Variants in FLRT3 observed in about 807,000 individuals in gnomAD.
The protein encoded by FLRT3 is fibronectin leucine rich transmembrane protein 3.
In FLRT3, 17 loss-of-function variants were observed where a neutral mutation model predicts 42.6. That is an observed-to-expected ratio of 0.40 (90% CI 0.27 to 0.60). FLRT3 has a LOEUF of 0.60. Ranked by LOEUF, FLRT3 falls within the 20% of genes least tolerant of loss-of-function variation. The pLI, the probability that FLRT3 is intolerant of heterozygous loss-of-function variation, is 0.44. For missense variants in FLRT3, 635 were observed against 789.2 expected, an observed-to-expected ratio of 0.80 and a Z score of 2.34; for synonymous variants, 279 against 286.4, an observed-to-expected ratio of 0.97 and a Z score of 0.26.
chr20:14,329,008 G>A (rs2082786028), intron 2 of FLRT3, 126 bp downstream of exon 2: 1 of 152,008 alleles, frequency 6.6e-6, no homozygotes, highest in African/African-American at 2.4e-5. Context: ...CATGAAGAAA[G>A]TCATTCATGA....
rs2082701685 is a variant in FLRT3 at position 14,324,366 on chromosome 20, TAGAAGGAAATG to T, written c.*1180_*1190del. On this transcript the variant is annotated 3_prime_UTR_variant, in exon 3 of 3. Coordinates refer to ENST00000341420, the MANE Select transcript of FLRT3 (RefSeq NM_198391.3). The stretch of plus-strand genomic sequence containing the variant: ...AACAGCTCACAATTCAGTAGGAAGC[TAGAAGGAAATG>T]TTACATTACGAGTTCATTATATAAT... 1 of 152,536 alleles carries T rather than the reference TAGAAGGAAATG, an allele frequency of 6.6e-6. No individual in the cohort carries two copies. The highest frequency in any genetic ancestry group is 1.5e-5 in the Non-Finnish European group (1 of 68,008). The allele number at this position is 152,536 out of a possible 1,614,324, so 9.4% of individuals were successfully genotyped here. A position where few individuals can be genotyped will look rare whatever the true frequency, so the allele number is the denominator to read the frequency against.
Position 14,326,930 on chromosome 20 carries a change from G to T in FLRT3, c.577C>A (p.Pro193Thr), listed in dbSNP as rs2082745650. The change falls in exon 3 of 3, where the codon CCA (proline) becomes ACA (threonine). Residue 193 changes from proline (P) to threonine (T), a missense_variant. Pro to Thr is a conservative substitution (Grantham distance 38, BLOSUM62 -1). Transcript: ENST00000341420. This position sits in a 1 kb window ranked among gnomAD's most constrained non-coding sequence, Gnocchi z 5.5. ...AGACTAGTGAGACCTTGAAGAGATG[G>T]TGATGAAATAGTGGATATGCGATTA... ...DDNRISTISS[P>T]SLQGLTSLKR... 9 of 1,613,786 alleles carry T rather than the reference G, an allele frequency of 5.6e-6. No individual in the cohort carries two copies. Among genetic ancestry groups the T allele is most frequent in the Non-Finnish European group, 7.6e-6 (9 of 1,179,802 alleles).
intron 1 of FLRT3, among the ~76,000 whole-genome samples, chr20:14,336,324 A>G (rs1361738117): frequency 6.6e-6 from 1 of 152,138 alleles, no homozygotes; most frequent in Non-Finnish European, 1.5e-5. Context: ...AAAAATTGAA[A>G]AAAAAATCAA....
In FLRT3 at chr20:14,325,607, G is replaced by A. The variant is rs371199834; in HGVS notation, c.1900C>T (p.Arg634Ter). The A allele has an allele frequency of 1.2e-6, 2 of 1,613,344 alleles. No individual in the cohort carries two copies. The highest frequency in any genetic ancestry group is 1.7e-6 in the Non-Finnish European group (2 of 1,179,574). ...GGAATACCACTGTCTCTGTAGCTTC[G>A]GTTACTACTGCTTTCACTGTGATTG... is the stretch of plus-strand genomic sequence containing the variant. The part of the protein sequence containing the change: ...KNNHSESSSN[R>*]SYRDSGIPDS... The change falls in exon 3 of 3, where the codon CGA becomes TGA. Residue 634 changes from arginine to a stop codon, truncating the protein, a stop_gained. Coordinates refer to ENST00000341420, the MANE Select transcript of FLRT3 (RefSeq NM_198391.3). LOFTEE classifies it high-confidence loss of function.
At position 14,323,592 on chromosome 20, in the gene FLRT3, C is replaced by A. The variant is rs914912633; in HGVS notation, c.*1965G>T. 3 of 152,170 alleles carry A rather than the reference C, an allele frequency of 2.0e-5. No individual in the cohort carries two copies. The highest frequency in any genetic ancestry group is 4.8e-5 in the African/African-American group (2 of 41,440). 9.4% of individuals were successfully genotyped at this position (152,170 alleles called of 1,614,324 possible). A position where few individuals can be genotyped will look rare whatever the true frequency, so the allele number is the denominator to read the frequency against. On this transcript the variant is annotated 3_prime_UTR_variant, in exon 3 of 3. Coordinates refer to ENST00000341420, the MANE Select transcript of FLRT3 (RefSeq NM_198391.3). ...GGTTAGGGTTTGGGGTTGTAAGTCCCAACCCTATAATCATGTCTTGGTCTT... is the reference window on the plus strand; with the variant it reads ...GGTTAGGGTTTGGGGTTGTAAGTCCAAACCCTATAATCATGTCTTGGTCTT...
intron 1 of FLRT3, among the ~76,000 whole-genome samples, chr20:14,330,659 A>G (rs1018259538): frequency 6.6e-6 from 1 of 152,138 alleles, no homozygotes; most frequent in African/African-American, 2.4e-5. Flanking sequence ...ACTTGAAACA[A>G]AAATAGCAGT....
rs909306453 is a variant in FLRT3, at chr20:14,323,707, T to C, written c.*1850A>G. The C allele has an allele frequency of 1.3e-5, 2 of 152,106 alleles. No individual in the cohort carries two copies. The highest frequency in any genetic ancestry group is 4.8e-5 in the African/African-American group (2 of 41,428). The allele number at this position is 152,106 out of a possible 1,614,324, so 9.4% of individuals were successfully genotyped here. On this transcript the variant is annotated 3_prime_UTR_variant, in exon 3 of 3. Coordinates refer to ENST00000341420, the MANE Select transcript of FLRT3 (RefSeq NM_198391.3). Reference sequence around the variant, plus strand: ...ATATGAAAATATATCACTTTGAAGATTGCAAGGATTTTAGGAGTTGTATGC... The same window carrying C: ...ATATGAAAATATATCACTTTGAAGACTGCAAGGATTTTAGGAGTTGTATGC...
chr20:14,330,042 G>C (rs2082805172), intron 1 of FLRT3, among the ~76,000 whole-genome samples: 1 of 150,408 alleles, frequency 6.6e-6, no homozygotes, highest in Non-Finnish European at 1.5e-5. Flanking sequence ...TACTGAGTTT[G>C]AAAAAAAAAT....
intron 1 of FLRT3, among the ~76,000 whole-genome samples, chr20:14,332,076 A>G (rs1475345010): frequency 6.6e-6 from 1 of 152,202 alleles, no homozygotes; most frequent in Non-Finnish European, 1.5e-5. Flanking sequence ...TGGAATCATT[A>G]TTTAACTATA....
At position 14,325,850 on chromosome 20, in the gene FLRT3, GAAC is replaced by G. The variant is rs549343549; in HGVS notation, c.1654_1656del (p.Val552del). 2 of 1,613,882 alleles carry G rather than the reference GAAC, an allele frequency of 1.2e-6. No individual in the cohort carries two copies. The highest frequency in any genetic ancestry group is 2.2e-5 in the South Asian group (2 of 91,082). On this transcript the variant is annotated inframe_deletion, in exon 3 of 3. Transcript: ENST00000341420. The stretch of plus-strand genomic sequence containing the variant: ...CTTGAGAAGAGCGATCCATTCCTAT[GAAC>G]ATACCAACACACTAAAGCAAGAAGG...
rs1351959755 is a variant in FLRT3 at position 14,323,566 on chromosome 20, AG to A, written c.*1990del. 1 of 152,186 alleles carries A rather than the reference AG, an allele frequency of 6.6e-6. No homozygotes were observed. Among genetic ancestry groups the A allele is most frequent in the African/African-American group, 2.4e-5 (1 of 41,454 alleles). The allele number at this position is 152,186 out of a possible 1,614,324, so 9.4% of individuals were successfully genotyped here. A position where few individuals can be genotyped will look rare whatever the true frequency, so the allele number is the denominator to read the frequency against. ...TCTTCATCCACTTCGCCCTCTCTGG[AG>A]GTTAGGGTTTGGGGTTGTAAGTCCC... On this transcript the variant is annotated 3_prime_UTR_variant, in exon 3 of 3. Coordinates refer to ENST00000341420, the MANE Select transcript of FLRT3 (RefSeq NM_198391.3).
At chr20:14,336,066 A>G (rs1299898389) in intron 1 of FLRT3, among the ~76,000 whole-genome samples, 2 of 152,170 alleles carry the variant, frequency 1.3e-5, no homozygotes, top group East Asian at 1.9e-4. Context: ...TGGGTCAGGT[A>G]TAAGTGATTC....
Position 14,324,696 on chromosome 20 carries a change from C to T in FLRT3, c.*861G>A, listed in dbSNP as rs993442837. On this transcript the variant is annotated 3_prime_UTR_variant, in exon 3 of 3. Coordinates refer to ENST00000341420, the MANE Select transcript of FLRT3 (RefSeq NM_198391.3). ...TGTTTATAATTCACTTTTCAAAAAT[C>T]AGGATGGTATAGGCAAAACCAAAAT... 1 of 152,050 alleles carries T rather than the reference C, an allele frequency of 6.6e-6. No homozygotes were observed. The highest frequency in any genetic ancestry group is 1.9e-4 in the East Asian group (1 of 5,186). 9.4% of individuals were successfully genotyped at this position (152,050 alleles called of 1,614,324 possible).
At chr20:14,336,192 T>A (rs2082933117) in intron 1 of FLRT3, among the ~76,000 whole-genome samples, 1 of 152,146 alleles carries the variant, frequency 6.6e-6, no homozygotes, top group Non-Finnish European at 1.5e-5. Flanking sequence ...GTGGCTTTAT[T>A]TATGTTGTTT....
Position 14,326,678 on chromosome 20 carries a change from C to T in FLRT3, c.829G>A (p.Asp277Asn). The T allele has an allele frequency of 6.2e-7, 1 of 1,613,726 alleles. No homozygotes were observed. Among genetic ancestry groups the T allele is most frequent in the Non-Finnish European group, 8.5e-7 (1 of 1,179,812 alleles). ...TTACTTAGGTTATTATTGGACATATCCAGTCGATAGAGCTGCCTTAGATAA... is the reference window on the plus strand; with the variant it reads ...TTACTTAGGTTATTATTGGACATATTCAGTCGATAGAGCTGCCTTAGATAA... ...FSYLRQLYRL[D>N]MSNNNLSNLP... Residue 277 changes from aspartate to asparagine, a missense_variant, in exon 3 of 3, where the codon GAT becomes AAT. Coordinates refer to ENST00000341420, the MANE Select transcript of FLRT3 (RefSeq NM_198391.3). This position sits in a 1 kb window ranked among gnomAD's most constrained non-coding sequence, Gnocchi z 5.5.
chr20:14,328,944 A>G (rs1057382471), intron 2 of FLRT3, 190 bp downstream of exon 2: 1 of 151,952 alleles, frequency 6.6e-6, no homozygotes, highest in Non-Finnish European at 1.5e-5. Context: ...CCCTCTTTGA[A>G]ATTCTTATTG....
rs531864737 is a variant in FLRT3 at position 14,331,820 on chromosome 20, C to T, written c.-246-2493G>A. ...TGAGCTGGATCTACATATTTGCGCA[C>T]CTAGAAATACTGTAGTCAAATGTCG... On this transcript the variant is annotated intron_variant, in intron 1 of 2. Coordinates refer to ENST00000341420, the MANE Select transcript of FLRT3 (RefSeq NM_198391.3). 5.1e-4 allele frequency among the ~76,000 whole-genome samples: 78 copies of T among 152,130 alleles called. 1 individual carries two copies. Among genetic ancestry groups the T allele is most frequent in the Middle Eastern group, 3.4e-3 (1 of 292 alleles).
intron 1 of FLRT3, among the ~76,000 whole-genome samples, chr20:14,337,056 G>A (rs1465633839): frequency 6.6e-6 from 1 of 152,198 alleles, no homozygotes; most frequent in Admixed American, 6.5e-5. Flanking sequence ...TACACACCAA[G>A]TTGCTTTCCT....
In FLRT3 at chr20:14,323,717, T is replaced by C. The variant is rs1178220380; in HGVS notation, c.*1840A>G. 1 of 152,124 alleles carries C rather than the reference T, an allele frequency of 6.6e-6. No individual in the cohort carries two copies. Among genetic ancestry groups the C allele is most frequent in the African/African-American group, 2.4e-5 (1 of 41,432 alleles). The allele number at this position is 152,124 out of a possible 1,614,324, so 9.4% of individuals were successfully genotyped here. A position where few individuals can be genotyped will look rare whatever the true frequency, so the allele number is the denominator to read the frequency against. ...ATATCACTTTGAAGATTGCAAGGAT[T>C]TTAGGAGTTGTATGCCAGAAACAGG... On this transcript the variant is annotated 3_prime_UTR_variant, in exon 3 of 3. Coordinates refer to ENST00000341420, the MANE Select transcript of FLRT3 (RefSeq NM_198391.3).
Sources: allele counts gnomAD v4.1 joint callset (sites outside exome capture counted in the v4.1 genomes callset), GRCh38; gene constraint gnomAD v4.1.1; non-coding constraint Gnocchi (gnomAD v3.1); transcripts MANE v1.5; gene names NCBI Gene and HGNC (gene_info 2026-07-23, HGNC 2026-07-21).